PDE8B: variants seen among roughly 807,000 people sequenced by gnomAD.
PDE8B encodes the protein phosphodiesterase 8B.
Under a neutral mutation model 101.3 loss-of-function variants are expected in PDE8B, and 26 were observed. The ratio of observed to expected loss-of-function variants is 0.26; its 90% CI spans 0.19 to 0.36. PDE8B has a LOEUF of 0.36. PDE8B is among the 10% of genes least tolerant of loss of function. The pLI, the probability that PDE8B is intolerant of heterozygous loss-of-function variation, is 1.00. For synonymous variants in PDE8B, 424 were observed against 429.3 expected, an observed-to-expected ratio of 0.99 and a Z score of 0.15; for missense variants, 810 against 1,163.1, an observed-to-expected ratio of 0.70 and a Z score of 4.42.
At chr5:77,286,857 T>C (rs1353310812) in intron 1 of PDE8B, among the ~76,000 whole-genome samples, 1 of 152,240 alleles carries the variant, frequency 6.6e-6, no homozygotes, top group Non-Finnish European at 1.5e-5. Context: ...ACCCTTTTTG[T>C]AATTAGTAGA....
At chr5:77,204,024 G>A in the PDE8B span, among the ~76,000 whole-genome samples, 1 of 148,356 alleles carries the variant, frequency 6.7e-6, no homozygotes, top group African/African-American at 2.5e-5. Context: ...AAAAAAATTG[G>A]TATGAATTAA....
chr5:77,318,972 T>C (rs977993488), intron 2 of PDE8B, among the ~76,000 whole-genome samples: 4 of 152,238 alleles, frequency 2.6e-5, no homozygotes, highest in Admixed American at 2.6e-4. Flanking sequence ...AAGTTAGTTT[T>C]TGTTTTCATC....
chr5:77,211,063 G>T lies in PDE8B; in HGVS notation c.138G>T (p.Gln46His), dbSNP rs1363763983. 2.0e-6 allele frequency: 3 copies of T among 1,518,372 alleles called. No individual in the cohort carries two copies. Among genetic ancestry groups the T allele is most frequent in the East Asian group, 2.7e-5 (1 of 37,198 alleles). 94.1% of individuals were successfully genotyped at this position (1,518,372 alleles called of 1,614,324 possible). Residue 46 changes from glutamine (Q) to histidine (H), a missense_variant, in exon 1 of 22, where the codon CAG becomes CAT. Physicochemically the swap from Gln to His is conservative, Grantham distance 24. This residue lies in a region of PDE8B where 159 missense variants were observed against 146.6 expected (regional missense o/e 1.08). Coordinates refer to ENST00000264917, the MANE Select transcript of PDE8B (RefSeq NM_003719.5). This position sits in a 1 kb window ranked among gnomAD's most constrained non-coding sequence, Gnocchi z 4.1. Reference protein sequence around the residue: ...PAAPLPGLFVQTDAADAIPPS... With the variant: ...PAAPLPGLFVHTDAADAIPPS... ...CACCCCTGCCCGGCCTCTTCGTCCA[G>T]ACCGACGCCGCCGACGCCATCCCCC...
At chr5:77,424,693 A>C (rs1166038161) in intron 20 of PDE8B, among the ~76,000 whole-genome samples, 1 of 152,172 alleles carries the variant, frequency 6.6e-6, no homozygotes, top group African/African-American at 2.4e-5. Context: ...GTGTACTCCC[A>C]TTTCATCACA....
chr5:77,124,872 T>C, the PDE8B span, among the ~76,000 whole-genome samples: 1 of 152,168 alleles, frequency 6.6e-6, no homozygotes, highest in Admixed American at 6.5e-5. Flanking sequence ...AACAATATCA[T>C]GTGTGCATCT....
At chr5:77,207,455 A>G (rs894185039), upstream of PDE8B, among the ~76,000 whole-genome samples, 2 of 152,190 alleles carry the variant, frequency 1.3e-5, no homozygotes, top group African/African-American at 2.4e-5. Context: ...TTGTTTTACA[A>G]TATGTTTCTG....
upstream of PDE8B, among the ~76,000 whole-genome samples, chr5:77,207,823 G>T (rs746670263): frequency 2.6e-5 from 4 of 152,172 alleles, no homozygotes; most frequent in Non-Finnish European, 4.4e-5. Context: ...GAGAACACTT[G>T]GTGGAGATTA....
At chr5:77,408,849 A>G (rs1794005330) in intron 13 of PDE8B, 44 bp from the exon 14 acceptor site, 1 of 1,509,130 alleles carries the variant, frequency 6.6e-7, no homozygotes, top group East Asian at 2.3e-5. Flanking sequence ...TTTGGGAAGT[A>G]GAACCCTATT....
At chr5:77,195,146 G>T in the PDE8B span, among the ~76,000 whole-genome samples, 1 of 152,310 alleles carries the variant, frequency 6.6e-6, no homozygotes, top group African/African-American at 2.4e-5. Flanking sequence ...CAAGGTGCCT[G>T]CATCCATTGA....
intron 1 of PDE8B, among the ~76,000 whole-genome samples, chr5:77,311,671 C>A (rs1046210969): frequency 1.3e-5 from 2 of 152,200 alleles, no homozygotes; most frequent in East Asian, 3.8e-4. Flanking sequence ...GAATTGAATT[C>A]TTTTCTTCCA....
At chr5:77,419,138 C>T (rs971668325) in intron 18 of PDE8B, among the ~76,000 whole-genome samples, 9 of 152,180 alleles carry the variant, frequency 5.9e-5, no homozygotes, top group Admixed American at 6.5e-5. Context: ...TCATCAGTAT[C>T]GAGGATGGGT....
chr5:77,245,463 A>G (rs534433743), intron 1 of PDE8B, among the ~76,000 whole-genome samples: 2 of 152,208 alleles, frequency 1.3e-5, no homozygotes, highest in Non-Finnish European at 2.9e-5. Flanking sequence ...AACAATGACT[A>G]TTTTCTGAGA....
rs372326855 is a variant in PDE8B at position 77,345,298 on chromosome 5, T to C, written c.876+367T>C. 1.2e-3 allele frequency among the ~76,000 whole-genome samples: 177 copies of C among 152,330 alleles called. No individual in the cohort carries two copies. The Middle Eastern group carries it at 0.017, about 15-fold the overall frequency. ...TCTTGTGCCTCTAAGTAGCGAGGAT[T>C]ACAGGCATGTGCCACCACACTCAGC... On this transcript the variant is annotated intron_variant, in intron 7 of 21. Coordinates refer to ENST00000264917, the MANE Select transcript of PDE8B (RefSeq NM_003719.5).
At chr5:77,413,647 T>G (rs905303542) in intron 17 of PDE8B, among the ~76,000 whole-genome samples, 2 of 152,184 alleles carry the variant, frequency 1.3e-5, no homozygotes, top group Non-Finnish European at 2.9e-5. Flanking sequence ...GGTTACTAGA[T>G]CTATAGGTTA....
chr5:77,233,400 G>A (rs970595672), intron 1 of PDE8B, among the ~76,000 whole-genome samples: 11 of 152,048 alleles, frequency 7.2e-5, no homozygotes, highest in South Asian at 6.2e-4. Flanking sequence ...CTTCCTTTTC[G>A]TGGTTAAAGG....
intron 1 of PDE8B, among the ~76,000 whole-genome samples, chr5:77,275,427 G>C (rs978840342): frequency 4.6e-5 from 7 of 151,948 alleles, no homozygotes; most frequent in African/African-American, 1.7e-4. Context: ...TTATCCCTTT[G>C]GTCTCATTAA....
At chr5:77,299,705 C>G (rs1233405294) in intron 1 of PDE8B, among the ~76,000 whole-genome samples, 1 of 152,048 alleles carries the variant, frequency 6.6e-6, no homozygotes, top group African/African-American at 2.4e-5. Context: ...CAAGTCTTTG[C>G]TATTGTGAAT....
At chr5:77,090,269 T>G in the PDE8B span, among the ~76,000 whole-genome samples, 1 of 152,198 alleles carries the variant, frequency 6.6e-6, no homozygotes, top group African/African-American at 2.4e-5. Flanking sequence ...AGACGGAGTC[T>G]TGCTCTGTCG....
At chr5:77,267,502 C>G (rs1050134489) in intron 1 of PDE8B, among the ~76,000 whole-genome samples, 1 of 151,482 alleles carries the variant, frequency 6.6e-6, no homozygotes, top group Admixed American at 6.6e-5. Flanking sequence ...GAGAGGTCTG[C>G]CTTATTTTGG....
Sources: gnomAD v4.1 joint callset for allele counts (sites outside exome capture counted in the v4.1 genomes callset) on GRCh38, gnomAD v4.1.1 for gene constraint, gnomAD v4.1.1 regional missense constraint, Gnocchi (gnomAD v3.1) non-coding constraint, MANE v1.5 for transcripts, NCBI Gene and HGNC (gene_info 2026-07-23, HGNC 2026-07-21) for gene names.